GPR158: variants seen among roughly 807,000 people sequenced by gnomAD.
The protein encoded by GPR158 is metabotropic glycine receptor.
A neutral mutation model predicts 78.2 loss-of-function variants in GPR158; 30 were observed. The ratio of observed to expected loss-of-function variants is 0.38; its 90% CI spans 0.29 to 0.52. The LOEUF (loss-of-function observed/expected upper bound fraction) is 0.52, where lower values mean the gene tolerates loss of function less well. Among genes scored for constraint, GPR158 ranks in the 20% least tolerant of loss-of-function variants. The pLI, the probability that GPR158 is intolerant of heterozygous loss-of-function variation, is 0.83. For synonymous variants in GPR158, 581 were observed against 591.1 expected (o/e 0.98, Z 0.25); for missense variants, 1,463 against 1,523.5 (o/e 0.96, Z 0.66).
intron 4 of GPR158, among the ~76,000 whole-genome samples, chr10:25,421,639 A>C (rs1198002512): frequency 1.3e-5 from 2 of 152,166 alleles, no homozygotes; most frequent in African/African-American, 4.8e-5. Context: ...AAGGTCTACA[A>C]AATTAATCTT....
intron 4 of GPR158, among the ~76,000 whole-genome samples, chr10:25,423,056 T>G (rs964151597): frequency 6.6e-6 from 1 of 151,778 alleles, no homozygotes; most frequent in Non-Finnish European, 1.5e-5. Context: ...CTCAGTAGTA[T>G]TCCACGGTAT....
chr10:25,255,919 G>T (rs1370829770), intron 2 of GPR158, among the ~76,000 whole-genome samples: 1 of 152,190 alleles, frequency 6.6e-6, no homozygotes, highest in Non-Finnish European at 1.5e-5. Flanking sequence ...AATGGGAGGG[G>T]ATGATAAATG....
intron 4 of GPR158, among the ~76,000 whole-genome samples, chr10:25,437,311 C>T (rs1835009642): frequency 6.6e-6 from 1 of 151,906 alleles, no homozygotes; most frequent in African/African-American, 2.4e-5. Flanking sequence ...CTGCAACCTC[C>T]ACCTCCTGGG....
chr10:25,179,015 T>C (rs1159914553), intron 1 of GPR158, among the ~76,000 whole-genome samples: 2 of 152,192 alleles, frequency 1.3e-5, no homozygotes, highest in African/African-American at 4.8e-5. Context: ...TCATTACTTA[T>C]GACAACCAAA....
intron 6 of GPR158, among the ~76,000 whole-genome samples, chr10:25,570,752 T>TA (rs950605730): frequency 3.9e-5 from 6 of 151,954 alleles, no homozygotes; most frequent in Non-Finnish European, 8.8e-5. Context: ...CCGTTTCTAC[T>TA]AAAAAAATAT....
At chr10:25,405,120 A>G (rs12256778) in intron 3 of GPR158, among the ~76,000 whole-genome samples, 15,514 of 152,152 alleles carry the variant, frequency 0.1, 847 homozygotes, top group East Asian at 0.17. Flanking sequence ...AATAAATTAC[A>G]TCAATGTAGA....
At position 25,388,450 on chromosome 10, in the gene GPR158, C is replaced by T. The variant is rs1373361719; in HGVS notation, c.1009-7461C>T. Among the ~76,000 whole-genome samples the T allele has an allele frequency of 1.1e-4, 16 of 152,358 alleles. No individual in the cohort carries two copies. The East Asian group carries it at 1.2e-3, about 11-fold the overall frequency. On this transcript the variant is annotated intron_variant, in intron 2 of 10. Transcript: ENST00000376351. ...TAACCTTGCTCCCTGCCATGTCCCACGGGCCCATAAGCACCAGGCCAAATG... is the reference window on the plus strand; with the variant it reads ...TAACCTTGCTCCCTGCCATGTCCCATGGGCCCATAAGCACCAGGCCAAATG...
chr10:25,451,218 C>T (rs75687479), intron 4 of GPR158, among the ~76,000 whole-genome samples: 9,057 of 152,186 alleles, frequency 0.06, 561 homozygotes, highest in African/African-American at 0.16. Context: ...ATTAAGTATA[C>T]ACTTAAAATT....
At chr10:25,393,496 G>C (rs1339709218) in intron 2 of GPR158, 1 of 152,186 alleles carries the variant, frequency 6.6e-6, no homozygotes, top group Non-Finnish European at 1.5e-5. Context: ...CGTCGTAACG[G>C]AAGTAATGAT....
intron 3 of GPR158, among the ~76,000 whole-genome samples, chr10:25,401,127 G>A (rs1564445239): frequency 6.6e-6 from 1 of 152,068 alleles, no homozygotes; most frequent in Non-Finnish European, 1.5e-5. Flanking sequence ...TGGCTGGGGA[G>A]TCGGGACATT....
At chr10:25,544,257 C>T (rs1310000681) in intron 5 of GPR158, among the ~76,000 whole-genome samples, 4 of 151,558 alleles carry the variant, frequency 2.6e-5, no homozygotes, top group Non-Finnish European at 5.9e-5. Context: ...TCACTGGCCC[C>T]TAGTATCAGA....
At chr10:25,433,690 CTTTCTTTT>C (rs1283949259) in intron 4 of GPR158, among the ~76,000 whole-genome samples, 3 of 93,260 alleles carry the variant, frequency 3.2e-5, no homozygotes, top group Non-Finnish European at 6.9e-5. Flanking sequence ...TTCTTTCTTT[CTTTCTTTT>C]TTTTTTTTTT....
intron 4 of GPR158, among the ~76,000 whole-genome samples, chr10:25,444,507 G>C (rs1835112747): frequency 1.3e-5 from 2 of 151,162 alleles, no homozygotes; most frequent in South Asian, 4.2e-4. Flanking sequence ...GTGGGCGCAT[G>C]TATGCGTGTG....
In GPR158 at chr10:25,236,641, A is replaced by G. The variant is rs577417895; in HGVS notation, c.1008+15484A>G. Among the ~76,000 whole-genome samples the G allele has an allele frequency of 2.6e-5, 4 of 152,106 alleles. No homozygotes were observed. In the South Asian group the frequency reaches 8.3e-4, roughly 32 times the overall value. On this transcript the variant is annotated intron_variant, in intron 2 of 10. Transcript: ENST00000376351. ...ACATGCTGTTCCTTTGGAATAACATACTATTTCCCACTTTGGCCACCTGAT... is the reference window on the plus strand; with the variant it reads ...ACATGCTGTTCCTTTGGAATAACATGCTATTTCCCACTTTGGCCACCTGAT...
At chr10:25,244,841 G>C (rs1853668411) in intron 2 of GPR158, 1 of 148,806 alleles carries the variant, frequency 6.7e-6, no homozygotes, top group Admixed American at 6.6e-5. Context: ...TTGTATCCTA[G>C]ACTTTTTTTT....
chr10:25,470,483 A>G (rs1376446589), intron 5 of GPR158, among the ~76,000 whole-genome samples: 1 of 152,168 alleles, frequency 6.6e-6, no homozygotes, highest in African/African-American at 2.4e-5. Context: ...TGTGAGAAAT[A>G]AATTTGTATT....
At position 25,282,721 on chromosome 10, in the gene GPR158, A is replaced by T. The variant is rs377024702; in HGVS notation, c.1008+61564A>T. Reference sequence around the variant, plus strand: ...AATTTGTATTTCCCTTATGACTAATAATGTTGAGCATATTTTCTTGTGCTT... The same window carrying T: ...AATTTGTATTTCCCTTATGACTAATTATGTTGAGCATATTTTCTTGTGCTT... On this transcript the variant is annotated intron_variant, in intron 2 of 10. Transcript: ENST00000376351. Among the ~76,000 whole-genome samples the T allele has an allele frequency of 3.7e-4, 56 of 152,264 alleles. 1 individual carries two copies. The highest frequency in any genetic ancestry group is 1.3e-3 in the African/African-American group (53 of 41,570).
chr10:25,406,731 A>G (rs1008725638), intron 3 of GPR158, among the ~76,000 whole-genome samples: 2 of 152,124 alleles, frequency 1.3e-5, no homozygotes, highest in Non-Finnish European at 2.9e-5. Context: ...TCCTTTCTTT[A>G]CAGCTGGTTT....
intron 4 of GPR158, among the ~76,000 whole-genome samples, chr10:25,433,531 G>GGTGTGT (rs1554803584): frequency 2.2e-3 from 305 of 140,292 alleles, no homozygotes; most frequent in African/African-American, 8.1e-3. Flanking sequence ...TTTAGTTAGG[G>GGTGTGT]GTGTGTGTGT....
Sources: gnomAD v4.1 joint callset for allele counts (sites outside exome capture counted in the v4.1 genomes callset) on GRCh38, gnomAD v4.1.1 for gene constraint, MANE v1.5 for transcripts, NCBI Gene and HGNC (gene_info 2026-07-23, HGNC 2026-07-21) for gene names.